The following WWP2 variants were observed in gnomAD, a reference collection of about 807,000 sequenced individuals.
WWP2 encodes WW domain containing E3 ubiquitin protein ligase 2, also known as NEDD4-like E3 ubiquitin-protein ligase WWP2.
Under a neutral mutation model 121.0 loss-of-function variants are expected in WWP2, and 57 were observed. That is an observed-to-expected ratio of 0.47 (90% confidence interval 0.38 to 0.59). The LOEUF (loss-of-function observed/expected upper bound fraction) is 0.59, where lower values mean the gene tolerates loss of function less well. Among genes scored for constraint, WWP2 ranks in the 20% least tolerant of loss-of-function variants. The pLI is 0.00. For synonymous variants in WWP2, 449 were observed against 441.3 expected (o/e 1.02, Z -0.22); for missense variants, 962 against 1,158.9 (o/e 0.83, Z 2.47).
At chr16:69,865,190 C>T (rs1477973163) in intron 6 of WWP2, among the ~76,000 whole-genome samples, 1 of 152,060 alleles carries the variant, frequency 6.6e-6, no homozygotes, top group Non-Finnish European at 1.5e-5. Context: ...GCTGGGACTA[C>T]AGGCGCTTGC....
chr16:69,928,536 G>A (rs1833521861), intron 11 of WWP2, among the ~76,000 whole-genome samples: 1 of 152,132 alleles, frequency 6.6e-6, no homozygotes, highest in African/African-American at 2.4e-5. Context: ...ATTGTTCAGA[G>A]CAGAGGAAAA....
intron 6 of WWP2, among the ~76,000 whole-genome samples, chr16:69,845,750 C>T (rs955086142): frequency 1.3e-5 from 2 of 151,966 alleles, no homozygotes; most frequent in Admixed American, 1.3e-4. Context: ...GCCTCTTCTT[C>T]AAGAATAATC....
Position 69,824,767 on chromosome 16 carries a change from C to CTT in WWP2, c.341-15339_341-15338dup, listed in dbSNP as rs34154307. ...AATGACCTCAACTTTGCACCTGTGGCTTTTTTTTTTTTTTTTTTTTTGAGA... is the reference window on the plus strand; with the variant it reads ...AATGACCTCAACTTTGCACCTGTGGCTTTTTTTTTTTTTTTTTTTTTTTGAGA... On this transcript the variant is annotated intron_variant, in intron 4 of 23. Coordinates refer to ENST00000359154, the MANE Select transcript of WWP2 (RefSeq NM_001270454.2). Among the ~76,000 whole-genome samples the CTT allele has an allele frequency of 9.7e-4, 80 of 82,784 alleles. 1 individual carries two copies. Among genetic ancestry groups the CTT allele is most frequent in the East Asian group, 2.4e-3 (6 of 2,482 alleles). The allele number at this position is 82,784 out of a possible 152,430, so 54.3% of individuals were successfully genotyped here. A position where few individuals can be genotyped will look rare whatever the true frequency, so the allele number is the denominator to read the frequency against.
chr16:69,899,888 T>G (rs950726965), intron 8 of WWP2, among the ~76,000 whole-genome samples: 3 of 152,168 alleles, frequency 2.0e-5, no homozygotes, highest in Admixed American at 2.0e-4. Context: ...CTAAACAAAA[T>G]TTTGATTGTC....
At position 69,801,478 on chromosome 16, in the gene WWP2, G is replaced by A. The variant is rs1396337046; in HGVS notation, c.340+2183G>A. ...TGGAACTCCTGAGCTCAAGTGATCCGCCTGCCTTGGCCTTCCAAAGTGCTG... is the reference window on the plus strand; with the variant it reads ...TGGAACTCCTGAGCTCAAGTGATCCACCTGCCTTGGCCTTCCAAAGTGCTG... On this transcript the variant is annotated intron_variant, in intron 4 of 23. Coordinates refer to ENST00000359154, the MANE Select transcript of WWP2 (RefSeq NM_001270454.2). Among the ~76,000 whole-genome samples the A allele has an allele frequency of 2.0e-5, 3 of 151,970 alleles. No homozygotes were observed. The East Asian group carries it at 5.8e-4, about 29-fold the overall frequency.
intron 6 of WWP2, among the ~76,000 whole-genome samples, chr16:69,853,311 G>A (rs1161067498): frequency 2.0e-5 from 3 of 152,178 alleles, no homozygotes; most frequent in Admixed American, 6.5e-5. Flanking sequence ...AGGCTCACAG[G>A]CTTGCAGCTC....
At chr16:69,886,518 G>A (rs1036238536) in intron 7 of WWP2, among the ~76,000 whole-genome samples, 2 of 151,924 alleles carry the variant, frequency 1.3e-5, no homozygotes, top group African/African-American at 2.4e-5. Flanking sequence ...CCAGCACTTT[G>A]GGAGGCTGCA....
chr16:69,928,800 T>G (rs1055047714), intron 11 of WWP2, among the ~76,000 whole-genome samples: 1 of 152,132 alleles, frequency 6.6e-6, no homozygotes, highest in Non-Finnish European at 1.5e-5. Context: ...AGTGTAAGTG[T>G]CCTCAGCCCC....
intron 3 of WWP2, 171 bp downstream of exon 3, chr16:69,799,000 T>A (rs1210241314): frequency 3.0e-6 from 4 of 1,326,190 alleles, no homozygotes; most frequent in Non-Finnish European, 4.1e-6. Flanking sequence ...CATAGAGCGT[T>A]CATTATTATC....
In WWP2 at chr16:69,781,407, A is replaced by T. The variant is rs1253067409; in HGVS notation, c.-15-5589A>T. 2.0e-5 allele frequency among the ~76,000 whole-genome samples: 3 copies of T among 152,188 alleles called. No individual in the cohort carries two copies. In the East Asian group the frequency reaches 5.8e-4, roughly 30 times the overall value. Reference sequence around the variant, plus strand: ...GTCACCCAGGCTGGAGTGCGGTGGCACAATCTTGGCTCACTGCAGCCTTGA... The same window carrying T: ...GTCACCCAGGCTGGAGTGCGGTGGCTCAATCTTGGCTCACTGCAGCCTTGA... On this transcript the variant is annotated intron_variant, in intron 1 of 23. Transcript: ENST00000359154.
chr16:69,828,323 G>A (rs2056738846), intron 4 of WWP2, among the ~76,000 whole-genome samples: 1 of 152,028 alleles, frequency 6.6e-6, no homozygotes, highest in African/African-American at 2.4e-5. Flanking sequence ...CTCTCTAGCT[G>A]TTCTTCTCTG....
At chr16:69,936,138 G>C in intron 18 of WWP2, 152 bp downstream of exon 18, 17 of 1,438,328 alleles carry the variant, frequency 1.2e-5, no homozygotes, top group Non-Finnish European at 1.6e-5. Flanking sequence ...ATGTCCTCTG[G>C]GTTCCCTGGG....
At chr16:69,895,768 G>GA (rs1380437746) in intron 8 of WWP2, among the ~76,000 whole-genome samples, 1 of 151,800 alleles carries the variant, frequency 6.6e-6, no homozygotes, top group African/African-American at 2.4e-5. Context: ...TCAGTTAAAA[G>GA]AAAAAAAAGT....
At chr16:69,905,760 T>G (rs2058279882) in intron 8 of WWP2, among the ~76,000 whole-genome samples, 1 of 152,246 alleles carries the variant, frequency 6.6e-6, no homozygotes, top group Non-Finnish European at 1.5e-5. Flanking sequence ...CACATGGCCA[T>G]GTAGTAGAGT....
chr16:69,833,283 G>A (rs957170283), intron 4 of WWP2, among the ~76,000 whole-genome samples: 1 of 152,224 alleles, frequency 6.6e-6, no homozygotes, highest in African/African-American at 2.4e-5. Context: ...GAAGAAACTG[G>A]ACAGCGTGTC....
In WWP2 at chr16:69,799,356, A is replaced by T; in HGVS notation, c.340+61A>T. On this transcript the variant is annotated intron_variant, in intron 4 of 23. Transcript: ENST00000359154. This position sits in a 1 kb window ranked among gnomAD's most constrained non-coding sequence, Gnocchi z 4.5. ...GGGTGGGGATGGGAGGACCTGGCAGATCAACCTGGTATTGCAATTTCCCCC... is the reference window on the plus strand; with the variant it reads ...GGGTGGGGATGGGAGGACCTGGCAGTTCAACCTGGTATTGCAATTTCCCCC... 6.3e-7 allele frequency: 1 copy of T among 1,581,512 alleles called. No homozygotes were observed. Among genetic ancestry groups the T allele is most frequent in the Non-Finnish European group, 8.6e-7 (1 of 1,162,954 alleles).
chr16:69,850,236 A>C (rs1030444758), intron 6 of WWP2, among the ~76,000 whole-genome samples: 3 of 151,932 alleles, frequency 2.0e-5, no homozygotes, highest in African/African-American at 7.3e-5. Context: ...AATACAAAAA[A>C]ATTAGCCGGG....
intron 10 of WWP2, among the ~76,000 whole-genome samples, chr16:69,923,078 C>T (rs902442346): frequency 6.6e-6 from 1 of 152,036 alleles, no homozygotes; most frequent in East Asian, 1.9e-4. Context: ...TCAGTAGAGA[C>T]AGGGTTTCCC....
chr16:69,921,821 C>A (rs926379670), intron 10 of WWP2, among the ~76,000 whole-genome samples: 2 of 152,164 alleles, frequency 1.3e-5, no homozygotes, highest in African/African-American at 4.8e-5. Context: ...CGCCTGTAAT[C>A]CCAGCACTTT....
Sources: allele counts gnomAD v4.1 joint callset (sites outside exome capture counted in the v4.1 genomes callset), GRCh38; gene constraint gnomAD v4.1.1; non-coding constraint Gnocchi (gnomAD v3.1); transcripts MANE v1.5; gene names NCBI Gene and HGNC (gene_info 2026-07-23, HGNC 2026-07-21).